Variants in SLC24A2 observed in about 807,000 individuals in gnomAD.
SLC24A2 encodes the protein solute carrier family 24 member 2, also known as sodium/potassium/calcium exchanger 2.
SLC24A2 carries 36 observed loss-of-function variants against 62.0 expected under a neutral mutation model. That is an observed-to-expected ratio of 0.58 (90% CI 0.44 to 0.77). SLC24A2 has a LOEUF of 0.77. Among genes scored for constraint, SLC24A2 ranks in the 30% least tolerant of loss-of-function variants. SLC24A2 has a pLI of 0.00. For missense variants in SLC24A2, 846 were observed against 817.9 expected (o/e 1.03, Z -0.42); for synonymous variants, 358 against 294.0 (o/e 1.22, Z -2.23).
chr9:19,830,162 T>G, the SLC24A2 span, among the ~76,000 whole-genome samples: 2 of 152,116 alleles, frequency 1.3e-5, no homozygotes, highest in Non-Finnish European at 2.9e-5. Context: ...GAGGCCACTT[T>G]GAGTAGAGCC....
At chr9:19,670,536 T>C (rs1819384661) in intron 2 of SLC24A2, among the ~76,000 whole-genome samples, 1 of 152,206 alleles carries the variant, frequency 6.6e-6, no homozygotes, top group Non-Finnish European at 1.5e-5. Flanking sequence ...TTTTATTTAT[T>C]CCTTATGACA....
the SLC24A2 span, among the ~76,000 whole-genome samples, chr9:19,869,265 G>C: frequency 6.6e-6 from 1 of 152,188 alleles, no homozygotes; most frequent in Non-Finnish European, 1.5e-5. Context: ...ACAGGCTTGA[G>C]CTACTGCACC....
chr9:20,140,380 T>C, the SLC24A2 span, among the ~76,000 whole-genome samples: 1 of 152,044 alleles, frequency 6.6e-6, no homozygotes, highest in Non-Finnish European at 1.5e-5. Flanking sequence ...CATGGTAGAT[T>C]TGGGTGCCTG....
At chr9:20,152,231 A>T in the SLC24A2 span, among the ~76,000 whole-genome samples, 1 of 151,928 alleles carries the variant, frequency 6.6e-6, no homozygotes, top group East Asian at 1.9e-4. Context: ...TATTTATAAG[A>T]AGGTCCAGAA....
chr9:19,675,623 C>A (rs531671967), intron 2 of SLC24A2, among the ~76,000 whole-genome samples: 1 of 152,142 alleles, frequency 6.6e-6, no homozygotes, highest in South Asian at 2.1e-4. Flanking sequence ...ATGAAGGTCG[C>A]CAGGGAAGTG....
chr9:20,138,437 T>C, the SLC24A2 span, among the ~76,000 whole-genome samples: 1 of 152,220 alleles, frequency 6.6e-6, no homozygotes, highest in Non-Finnish European at 1.5e-5. Context: ...AGTTTTTAAA[T>C]CAAATTTCAA....
At chr9:20,120,752 G>A in the SLC24A2 span, among the ~76,000 whole-genome samples, 1 of 151,978 alleles carries the variant, frequency 6.6e-6, no homozygotes, top group African/African-American at 2.4e-5. Flanking sequence ...CTAATCCAAG[G>A]TTGCATAGCT....
At chr9:20,173,133 C>A in the SLC24A2 span, among the ~76,000 whole-genome samples, 1 of 152,024 alleles carries the variant, frequency 6.6e-6, no homozygotes, top group Non-Finnish European at 1.5e-5. Context: ...AATCCAGCAA[C>A]CCTTTATGAT....
At chr9:19,864,846 G>C in the SLC24A2 span, among the ~76,000 whole-genome samples, 1 of 151,786 alleles carries the variant, frequency 6.6e-6, no homozygotes, top group Non-Finnish European at 1.5e-5. Flanking sequence ...AGAGTGATCA[G>C]ATAAGAGAAA....
chr9:19,530,322 G>C (rs1296382667), intron 8 of SLC24A2, among the ~76,000 whole-genome samples: 1 of 152,072 alleles, frequency 6.6e-6, no homozygotes, highest in African/African-American at 2.4e-5. Flanking sequence ...TGTGTGATTA[G>C]AGCCCCAACC....
At chr9:20,197,622 G>C in the SLC24A2 span, among the ~76,000 whole-genome samples, 2 of 151,956 alleles carry the variant, frequency 1.3e-5, no homozygotes, top group African/African-American at 4.8e-5. Flanking sequence ...TAGAGAGACA[G>C]GGTTTTACCG....
intron 2 of SLC24A2, among the ~76,000 whole-genome samples, chr9:19,668,449 A>G (rs997010905): frequency 6.6e-6 from 1 of 152,132 alleles, no homozygotes; most frequent in East Asian, 1.9e-4. Flanking sequence ...ATCGCAAAAC[A>G]TTTCCGTACC....
chr9:19,793,269 C>G (rs917453330), upstream of SLC24A2, among the ~76,000 whole-genome samples: 1 of 152,214 alleles, frequency 6.6e-6, no homozygotes, highest in Non-Finnish European at 1.5e-5. Context: ...TTTGCTGTGT[C>G]ATCCTAACTC....
At chr9:19,769,463 C>T (rs1822618757) in intron 2 of SLC24A2, among the ~76,000 whole-genome samples, 1 of 152,234 alleles carries the variant, frequency 6.6e-6, no homozygotes, top group Non-Finnish European at 1.5e-5. Context: ...TCACAGTGAA[C>T]ATGAGTCAGA....
the SLC24A2 span, among the ~76,000 whole-genome samples, chr9:19,964,715 A>G: frequency 6.6e-6 from 1 of 152,124 alleles, no homozygotes; most frequent in African/African-American, 2.4e-5. Context: ...AGCAGTGGCC[A>G]TTTCTTAGTG....
chr9:19,734,005 G>T (rs1489020189), intron 2 of SLC24A2, among the ~76,000 whole-genome samples: 1 of 152,092 alleles, frequency 6.6e-6, no homozygotes, highest in Non-Finnish European at 1.5e-5. Flanking sequence ...GATGATAGAG[G>T]CAAGTCTCTC....
At chr9:19,747,633 G>A (rs1022093673) in intron 2 of SLC24A2, among the ~76,000 whole-genome samples, 16 of 152,144 alleles carry the variant, frequency 1.1e-4, no homozygotes, top group African/African-American at 3.9e-4. Context: ...AATTCTTCTT[G>A]TCTTACCTGG....
At position 19,636,326 on chromosome 9, in the gene SLC24A2, T is replaced by TTCTTTTCTTTTCTTTTCTTTTC. The variant is rs1491476004; in HGVS notation, c.931-14028_931-14027insGAAAAGAAAAGAAAAGAAAAGA. On this transcript the variant is annotated intron_variant, in intron 2 of 10. Transcript: ENST00000341998. ...TTTCTTTTCTTTTCTTTTCTTTCTT[T>TTCTTTTCTTTTCTTTTCTTTTC]CTTTCTTTCTTTCTTTCTTTCTTTC... Among the ~76,000 whole-genome samples, 139 of 26,868 alleles carry TTCTTTTCTTTTCTTTTCTTTTC rather than the reference T, an allele frequency of 5.2e-3. 6 individuals carry two copies. Among genetic ancestry groups the TTCTTTTCTTTTCTTTTCTTTTC allele is most frequent in the Admixed American group, 8.6e-3 (22 of 2,568 alleles). The allele number at this position is 26,868 out of a possible 152,430, so 17.6% of individuals were successfully genotyped here. A position where few individuals can be genotyped will look rare whatever the true frequency, so the allele number is the denominator to read the frequency against.
chr9:19,761,695 T>C (rs1246168363), intron 2 of SLC24A2, among the ~76,000 whole-genome samples: 1 of 152,026 alleles, frequency 6.6e-6, no homozygotes, highest in Non-Finnish European at 1.5e-5. Flanking sequence ...CGTGTTCTCA[T>C]TGTTCAATTC....
Sources: allele counts gnomAD v4.1 joint callset (sites outside exome capture counted in the v4.1 genomes callset), GRCh38; gene constraint gnomAD v4.1.1; transcripts MANE v1.5; gene names NCBI Gene and HGNC (gene_info 2026-07-23, HGNC 2026-07-21).